The following ANKRD50 variants were observed in gnomAD, a reference collection of about 807,000 sequenced individuals.
The protein encoded by ANKRD50 is ankyrin repeat domain 50, also known as ankyrin repeat domain-containing protein 50.
Under a neutral mutation model 112.0 loss-of-function variants are expected in ANKRD50, and 40 were observed. The observed-to-expected ratio is 0.36, with a 90% CI of 0.28 to 0.46. ANKRD50 has a LOEUF of 0.46. Ranked by LOEUF, ANKRD50 falls within the 20% of genes least tolerant of loss-of-function variation. The probability of loss-of-function intolerance (pLI) is 1.00; values close to 1 mark genes in which losing one functional copy is unlikely to be tolerated. For missense variants in ANKRD50, 1,487 were observed against 1,701.7 expected, an observed-to-expected ratio of 0.87 and a Z score of 2.22; for synonymous variants, 613 against 619.1, an observed-to-expected ratio of 0.99 and a Z score of 0.15.
At chr4:124,704,052 A>C (rs1458261108) in intron 2 of ANKRD50, among the ~76,000 whole-genome samples, 3 of 152,236 alleles carry the variant, frequency 2.0e-5, no homozygotes, top group African/African-American at 4.8e-5. Context: ...TTGAATAAAC[A>C]GAAGTTTGTA....
intron 4 of ANKRD50, among the ~76,000 whole-genome samples, chr4:124,668,182 T>C (rs1730543673): frequency 6.6e-6 from 1 of 151,996 alleles, no homozygotes; most frequent in African/African-American, 2.4e-5. Context: ...CCTATATTAT[T>C]AATGAAGTAT....
chr4:124,674,843 C>G (rs1730736033), intron 3 of ANKRD50, among the ~76,000 whole-genome samples: 1 of 151,630 alleles, frequency 6.6e-6, no homozygotes, highest in Non-Finnish European at 1.5e-5. Context: ...TGTTCTTTAC[C>G]AATGATGGTT....
At chr4:124,703,398 T>C (rs1286063048) in intron 2 of ANKRD50, among the ~76,000 whole-genome samples, 2 of 152,072 alleles carry the variant, frequency 1.3e-5, no homozygotes, top group Non-Finnish European at 2.9e-5. Flanking sequence ...ACATACGAAC[T>C]CTAGACAGTA....
chr4:124,692,359 T>G (rs997420188), intron 2 of ANKRD50, among the ~76,000 whole-genome samples: 4 of 152,186 alleles, frequency 2.6e-5, no homozygotes, highest in African/African-American at 9.7e-5. Flanking sequence ...AACTGGTAAA[T>G]ATTTTAAAGC....
intron 3 of ANKRD50, among the ~76,000 whole-genome samples, chr4:124,674,998 C>A (rs532800293): frequency 6.6e-5 from 10 of 151,742 alleles, no homozygotes; most frequent in African/African-American, 2.2e-4. Flanking sequence ...ATTATGAACA[C>A]ACACAATATA....
Position 124,669,532 on chromosome 4 carries a change from G to A in ANKRD50, c.3745C>T (p.Pro1249Ser). ...TGACTCCACTCAAATTCACTACTTG[G>A]TGAATTATGACTCTGTCCTAAGGAC... is the stretch of plus-strand genomic sequence containing the variant. Reference protein sequence around the residue: ...TQSLGQSHNSPSSEFEWSQVK... With the variant: ...TQSLGQSHNSSSSEFEWSQVK... The change falls in exon 4 of 5, where the codon CCA becomes TCA. Residue 1249 changes from proline to serine, a missense_variant. Pro to Ser is a moderately conservative substitution (Grantham distance 74, BLOSUM62 -1). Coordinates refer to ENST00000504087, the MANE Select transcript of ANKRD50 (RefSeq NM_020337.3). 1 of 1,612,826 alleles carries A rather than the reference G, an allele frequency of 6.2e-7. No homozygotes were observed. Among genetic ancestry groups the A allele is most frequent in the Non-Finnish European group, 8.5e-7 (1 of 1,179,714 alleles).
chr4:124,703,003 C>T (rs907770255), intron 2 of ANKRD50, among the ~76,000 whole-genome samples: 10 of 151,544 alleles, frequency 6.6e-5, no homozygotes, highest in African/African-American at 2.4e-4. Context: ...GATTTGATTG[C>T]TAATAAGATA....
chr4:124,676,971 A>G (rs1452554301), intron 3 of ANKRD50, among the ~76,000 whole-genome samples: 1 of 151,698 alleles, frequency 6.6e-6, no homozygotes. Context: ...AGTATTTTTC[A>G]CATACCACAT....
intron 3 of ANKRD50, among the ~76,000 whole-genome samples, chr4:124,675,183 A>G (rs899596810): frequency 2.6e-5 from 4 of 151,770 alleles, no homozygotes; most frequent in Non-Finnish European, 5.9e-5. Context: ...GAACTTTTCT[A>G]TTCTTACTTG....
At chr4:124,682,750 A>G (rs1724922593) in intron 2 of ANKRD50, among the ~76,000 whole-genome samples, 1 of 151,844 alleles carries the variant, frequency 6.6e-6, no homozygotes, top group Admixed American at 6.6e-5. Context: ...TTTTTTTTAT[A>G]TTTAAGCTAT....
At position 124,664,488 on chromosome 4, in the gene ANKRD50, T is replaced by C. The variant is rs1334010727; in HGVS notation, c.*3030A>G. On this transcript the variant is annotated 3_prime_UTR_variant, in exon 5 of 5. Transcript: ENST00000504087. ...GACAAAATTAAAACAAGATCTTCTC[T>C]GTAAAGCAAATATATTTATTATGCA... 1 of 152,446 alleles carries C rather than the reference T, an allele frequency of 6.6e-6. No homozygotes were observed. The highest frequency in any genetic ancestry group is 1.5e-5 in the Non-Finnish European group (1 of 67,912). The allele number at this position is 152,446 out of a possible 1,614,324, so 9.4% of individuals were successfully genotyped here. A position where few individuals can be genotyped will look rare whatever the true frequency, so the allele number is the denominator to read the frequency against.
rs190066028 is a variant in ANKRD50 at position 124,668,942 on chromosome 4, C to T, written c.*3+42G>A. ...AAAAGAGCATTCCAAGTAGAGGGAA[C>T]TCTACTTTTGTTTTTTACTCTTTAT... On this transcript the variant is annotated intron_variant, in intron 4 of 4. Transcript: ENST00000504087. 38 of 1,539,340 alleles carry T rather than the reference C, an allele frequency of 2.5e-5. 1 individual carries two copies. Among genetic ancestry groups the T allele is most frequent in the Middle Eastern group, 1.9e-4 (1 of 5,166 alleles).
rs147992781 is a variant in ANKRD50 at position 124,696,881 on chromosome 4, G to A, written c.512+13119C>T. On this transcript the variant is annotated intron_variant, in intron 2 of 4. Coordinates refer to ENST00000504087, the MANE Select transcript of ANKRD50 (RefSeq NM_020337.3). ...GATATAACTGACATAAAAATTATTT[G>A]AGGATCTAATGATTTTTCACACCCC... 1.0e-3 allele frequency among the ~76,000 whole-genome samples: 152 copies of A among 152,172 alleles called. 1 individual carries two copies. In the East Asian group the frequency reaches 0.019, roughly 19 times the overall value.
At chr4:124,687,976 A>G (rs1725045799) in intron 2 of ANKRD50, among the ~76,000 whole-genome samples, 2 of 152,196 alleles carry the variant, frequency 1.3e-5, no homozygotes, top group Non-Finnish European at 2.9e-5. Context: ...TGTCCTAGCA[A>G]TCCCACTTCT....
At chr4:124,701,251 C>T (rs192610034) in intron 2 of ANKRD50, among the ~76,000 whole-genome samples, 62 of 152,250 alleles carry the variant, frequency 4.1e-4, no homozygotes, top group African/African-American at 1.4e-3. Context: ...GCGTGAGCCA[C>T]CACGCCCCAC....
intron 2 of ANKRD50, among the ~76,000 whole-genome samples, chr4:124,698,210 A>G (rs1346872527): frequency 6.6e-6 from 1 of 152,062 alleles, no homozygotes; most frequent in Non-Finnish European, 1.5e-5. Flanking sequence ...ATGGAAAAGG[A>G]GCACAGATGG....
rs1033816541 is a variant in ANKRD50 at position 124,712,661 on chromosome 4, A to C, written c.-967T>G. On this transcript the variant is annotated 5_prime_UTR_variant, in exon 1 of 5. Coordinates refer to ENST00000504087, the MANE Select transcript of ANKRD50 (RefSeq NM_020337.3). ...GGCGGCTGCCAGTTCCAGCTTTCCC[A>C]GCAGAATCGGTCGTGCTCGCCCCAG... 20 of 151,668 alleles carry C rather than the reference A, an allele frequency of 1.3e-4. No individual in the cohort carries two copies. The highest frequency in any genetic ancestry group is 4.7e-4 in the African/African-American group (19 of 40,114). 9.4% of individuals were successfully genotyped at this position (151,668 alleles called of 1,614,324 possible). A position where few individuals can be genotyped will look rare whatever the true frequency, so the allele number is the denominator to read the frequency against.
chr4:124,703,701 G>A (rs1417496521), intron 2 of ANKRD50, among the ~76,000 whole-genome samples: 1 of 151,348 alleles, frequency 6.6e-6, no homozygotes. Flanking sequence ...GCAAAAATCT[G>A]GATATGTATA....
At chr4:124,681,491 CCTT>C (rs1229378543) in intron 2 of ANKRD50, among the ~76,000 whole-genome samples, 1 of 152,166 alleles carries the variant, frequency 6.6e-6, no homozygotes, top group Admixed American at 6.5e-5. Flanking sequence ...TTCCCAATCT[CCTT>C]CTCCCCTAGT....
Sources: allele counts gnomAD v4.1 joint callset (sites outside exome capture counted in the v4.1 genomes callset), GRCh38; gene constraint gnomAD v4.1.1; transcripts MANE v1.5; gene names NCBI Gene and HGNC (gene_info 2026-07-23, HGNC 2026-07-21).